Variants in ENTPD1 observed in about 807,000 individuals in gnomAD.
ENTPD1 encodes the protein ATP diphosphohydrolase.
Under a neutral mutation model 57.0 loss-of-function variants are expected in ENTPD1, and 33 were observed. The observed-to-expected ratio is 0.58, with a 90% CI of 0.44 to 0.77. ENTPD1 has a LOEUF of 0.77. Among genes scored for constraint, ENTPD1 ranks in the 30% least tolerant of loss-of-function variants. The pLI is 0.00. For missense variants in ENTPD1, 501 were observed against 603.4 expected (o/e 0.83, Z 1.78); for synonymous variants, 202 against 218.8 (o/e 0.92, Z 0.68).
the ENTPD1 span, among the ~76,000 whole-genome samples, chr10:95,700,443 A>G: frequency 6.6e-6 from 1 of 152,170 alleles, no homozygotes; most frequent in African/African-American, 2.4e-5. Context: ...CTGAAGCAGG[A>G]GGATCGCTTG....
Position 95,868,325 on chromosome 10 carries a change from A to C in ENTPD1, c.*1942A>C. 1.0e-6 allele frequency: 1 copy of C among 985,474 alleles called. No homozygotes were observed. The highest frequency in any genetic ancestry group is 1.2e-6 in the Non-Finnish European group (1 of 829,942). 61.0% of individuals were successfully genotyped at this position (985,474 alleles called of 1,614,324 possible). A position where few individuals can be genotyped will look rare whatever the true frequency, so the allele number is the denominator to read the frequency against. ...ACAAGGTTCATGGGACTTGGTATTC[A>C]TAGAAAGGGAGGCAGAAAGCTGGTC... On this transcript the variant is annotated 3_prime_UTR_variant, in exon 10 of 10. Transcript: ENST00000371205.
intron 1 of ENTPD1, among the ~76,000 whole-genome samples, chr10:95,810,490 A>G (rs1275229167): frequency 1.5e-5 from 2 of 129,812 alleles, no homozygotes; most frequent in Admixed American, 7.6e-5. Context: ...CAGGGCGGCC[A>G]GGCAGAGACG....
chr10:95,710,034 A>C (rs1241032440), upstream of ENTPD1, among the ~76,000 whole-genome samples: 2 of 149,148 alleles, frequency 1.3e-5, no homozygotes, highest in African/African-American at 4.9e-5. Flanking sequence ...TCGGCCTCCC[A>C]AAGTGCTGGG....
At chr10:95,810,407 A>G (rs1589953945) in intron 1 of ENTPD1, among the ~76,000 whole-genome samples, 1 of 131,198 alleles carries the variant, frequency 7.6e-6, no homozygotes, top group African/African-American at 2.9e-5. Context: ...CTTCCTGGAC[A>G]GGGCGGCTGG....
At position 95,866,409 on chromosome 10, in the gene ENTPD1, GGAGT is replaced by G. The variant is rs775015492; in HGVS notation, c.*30_*33del. On this transcript the variant is annotated 3_prime_UTR_variant, in exon 10 of 10. Transcript: ENST00000371205. ...CAAAAGCAGCTGAAATATGCTGGCT[GGAGT>G]GAGGAAAAAAATCGTCCAGGGAGCA... is the stretch of plus-strand genomic sequence containing the variant. 13 of 1,613,704 alleles carry G rather than the reference GGAGT, an allele frequency of 8.1e-6. No homozygotes were observed. The highest frequency in any genetic ancestry group is 1.0e-5 in the Non-Finnish European group (12 of 1,179,874).
intron 1 of ENTPD1, among the ~76,000 whole-genome samples, chr10:95,805,782 C>T (rs1053169069): frequency 5.9e-5 from 9 of 152,052 alleles, no homozygotes; most frequent in South Asian, 2.1e-4. Context: ...AATTCTAGGT[C>T]GAAAATTCTT....
intron 1 of ENTPD1, among the ~76,000 whole-genome samples, chr10:95,712,404 T>C (rs1340891393): frequency 1.3e-5 from 2 of 152,238 alleles, no homozygotes; most frequent in African/African-American, 4.8e-5. Context: ...TTGTCTTATT[T>C]CATGTCCGTA....
intron 2 of ENTPD1, 184 bp from the exon 3 acceptor site, chr10:95,839,507 C>T (rs1385267101): frequency 1.5e-5 from 10 of 680,738 alleles, no homozygotes; most frequent in Middle Eastern, 8.1e-4. Context: ...TGAAGAGCCC[C>T]GTTCTAGCAG....
In ENTPD1 at chr10:95,738,794, T is replaced by C. The variant is rs142160575; in HGVS notation, c.37+26801T>C. Among the ~76,000 whole-genome samples, 265 of 152,190 alleles carry C rather than the reference T, an allele frequency of 1.7e-3. 1 individual carries two copies. Among genetic ancestry groups the C allele is most frequent in the African/African-American group, 6.3e-3 (261 of 41,508 alleles). On this transcript the variant is annotated intron_variant, in intron 1 of 9. Transcript: ENST00000453258. ...GAAGATTACCTATTTATTAAGCACA[T>C]AGGCACACTCTGGTTTAGGTGCTGT...
At chr10:95,853,049 C>A (rs2098448222) in intron 7 of ENTPD1, among the ~76,000 whole-genome samples, 2 of 152,168 alleles carry the variant, frequency 1.3e-5, no homozygotes, top group Admixed American at 6.5e-5. Flanking sequence ...GACATTGATT[C>A]TTCCTACCCA....
chr10:95,777,372 C>T (rs1316018858), intron 1 of ENTPD1, among the ~76,000 whole-genome samples: 1 of 152,192 alleles, frequency 6.6e-6, no homozygotes, highest in Admixed American at 6.5e-5. Flanking sequence ...TGTTAGTTTT[C>T]CTTCTAACAG....
At position 95,871,047 on chromosome 10, in the gene ENTPD1, C is replaced by T. The variant is rs751601674; in HGVS notation, c.*4664C>T. ...AAAGTGAGAGGAAACTAGGATGCCT[C>T]TTAAGGTCTTGGTCAGGATGGGGTC... On this transcript the variant is annotated 3_prime_UTR_variant, in exon 10 of 10. Transcript: ENST00000371205. The T allele has an allele frequency of 4.4e-5, 43 of 985,036 alleles. No homozygotes were observed. The highest frequency in any genetic ancestry group is 5.2e-5 in the Non-Finnish European group (43 of 829,946). 61.0% of individuals were successfully genotyped at this position (985,036 alleles called of 1,614,324 possible).
At chr10:95,809,254 GT>G (rs1379317200) in intron 1 of ENTPD1, among the ~76,000 whole-genome samples, 1 of 152,186 alleles carries the variant, frequency 6.6e-6, no homozygotes, top group Non-Finnish European at 1.5e-5. Context: ...CCCAGACAGG[GT>G]GGCAGCCGGG....
At chr10:95,852,400 A>G (rs1017412459) in intron 7 of ENTPD1, among the ~76,000 whole-genome samples, 1 of 152,234 alleles carries the variant, frequency 6.6e-6, no homozygotes, top group East Asian at 1.9e-4. Context: ...CTCTGATGGT[A>G]GTTTCTTTTG....
intron 1 of ENTPD1, among the ~76,000 whole-genome samples, chr10:95,746,919 T>C (rs1287510364): frequency 2.0e-5 from 3 of 152,210 alleles, no homozygotes; most frequent in Non-Finnish European, 4.4e-5. Context: ...TCAAGAAAAT[T>C]TGATACAGTT....
In ENTPD1 at chr10:95,868,425, C is replaced by T. The variant is rs900732491; in HGVS notation, c.*2042C>T. On this transcript the variant is annotated 3_prime_UTR_variant, in exon 10 of 10. Transcript: ENST00000371205. Reference sequence around the variant, plus strand: ...ATGGAAGCACATCTGGCATATGATGCTAATCAGTGGTTCCCATACCCCTGG... The same window carrying T: ...ATGGAAGCACATCTGGCATATGATGTTAATCAGTGGTTCCCATACCCCTGG... 1.0e-6 allele frequency: 1 copy of T among 985,434 alleles called. No homozygotes were observed. The highest frequency in any genetic ancestry group is 1.2e-6 in the Non-Finnish European group (1 of 829,924). The allele number at this position is 985,434 out of a possible 1,614,324, so 61.0% of individuals were successfully genotyped here.
At chr10:95,861,458 A>G (rs1442686348) in intron 8 of ENTPD1, 1 of 152,208 alleles carries the variant, frequency 6.6e-6, no homozygotes, top group Non-Finnish European at 1.5e-5. Context: ...CATTCTTAAG[A>G]AATACTATTA....
chr10:95,806,175 A>G (rs1018914179), intron 1 of ENTPD1, among the ~76,000 whole-genome samples: 2 of 152,164 alleles, frequency 1.3e-5, no homozygotes, highest in Non-Finnish European at 2.9e-5. Flanking sequence ...CATTTCTTGG[A>G]GGCTTTGTTC....
chr10:95,717,501 A>T (rs2097972865), intron 1 of ENTPD1, among the ~76,000 whole-genome samples: 1 of 151,916 alleles, frequency 6.6e-6, no homozygotes, highest in Non-Finnish European at 1.5e-5. Flanking sequence ...GTGATATATG[A>T]TTTGACTCTT....
Sources: gnomAD v4.1 joint callset for allele counts (sites outside exome capture counted in the v4.1 genomes callset) on GRCh38, gnomAD v4.1.1 for gene constraint, MANE v1.5 for transcripts, NCBI Gene and HGNC (gene_info 2026-07-23, HGNC 2026-07-21) for gene names.